Variants in GRIN3A observed in about 807,000 individuals in gnomAD.
GRIN3A encodes the protein glutamate receptor ionotropic, NMDA 3A.
In GRIN3A, 47 loss-of-function variants were observed where a neutral mutation model predicts 92.4. The ratio of observed to expected loss-of-function variants is 0.51; its 90% confidence interval spans 0.40 to 0.65. The LOEUF is 0.65. Ranked by LOEUF, GRIN3A falls within the 30% of genes least tolerant of loss-of-function variation. The pLI is 0.00. For synonymous variants in GRIN3A, 527 were observed against 540.6 expected (o/e 0.97, Z 0.35); for missense variants, 1,324 against 1,393.1 (o/e 0.95, Z 0.79).
intron 3 of GRIN3A, among the ~76,000 whole-genome samples, chr9:101,646,322 A>G (rs1366731839): frequency 1.3e-5 from 2 of 151,836 alleles, no homozygotes; most frequent in East Asian, 3.9e-4. Flanking sequence ...CAGTTATTGA[A>G]GAGACTGTCT....
intron 1 of GRIN3A, among the ~76,000 whole-genome samples, chr9:101,688,054 T>C (rs1274108756): frequency 1.3e-5 from 2 of 152,230 alleles, no homozygotes; most frequent in African/African-American, 2.4e-5. Context: ...TTTAGCACAA[T>C]GTCTTATATA....
chr9:101,696,565 A>G (rs995551939), intron 1 of GRIN3A, among the ~76,000 whole-genome samples: 1 of 152,204 alleles, frequency 6.6e-6, no homozygotes, highest in Non-Finnish European at 1.5e-5. Context: ...CTGAAGGAAC[A>G]TACACAGGCA....
chr9:101,701,765 A>G (rs903154261), intron 1 of GRIN3A, among the ~76,000 whole-genome samples: 11 of 152,180 alleles, frequency 7.2e-5, no homozygotes, highest in African/African-American at 2.7e-4. Flanking sequence ...AACAGACAAC[A>G]TACAGAATAG....
At chr9:101,623,750 T>C (rs1352373900) in intron 4 of GRIN3A, among the ~76,000 whole-genome samples, 1 of 152,258 alleles carries the variant, frequency 6.6e-6, no homozygotes, top group Non-Finnish European at 1.5e-5. Context: ...TGTTTATTCT[T>C]ATTACACTGT....
At chr9:101,656,632 C>T (rs531063094) in intron 3 of GRIN3A, among the ~76,000 whole-genome samples, 1 of 151,924 alleles carries the variant, frequency 6.6e-6, no homozygotes, top group South Asian at 2.1e-4. Flanking sequence ...TAGGGCAGAG[C>T]CTGAGATTGG....
chr9:101,666,354 G>T (rs1228677042), intron 3 of GRIN3A, among the ~76,000 whole-genome samples: 1 of 151,862 alleles, frequency 6.6e-6, no homozygotes, highest in Non-Finnish European at 1.5e-5. Flanking sequence ...GTATGCTATA[G>T]AGCTGGAGGC....
chr9:101,601,219 G>A (rs972319094), intron 6 of GRIN3A: 2 of 152,240 alleles, frequency 1.3e-5, no homozygotes, highest in Non-Finnish European at 2.9e-5. Flanking sequence ...CTTGAGCAAA[G>A]TAGCAGAAGA....
At chr9:101,723,237 T>A (rs1441866418) in intron 1 of GRIN3A, among the ~76,000 whole-genome samples, 1 of 152,126 alleles carries the variant, frequency 6.6e-6, no homozygotes, top group African/African-American at 2.4e-5. Context: ...TTGTTCCTTC[T>A]GATGTTCGGA....
Position 101,687,177 on chromosome 9 carries a change from A to C in GRIN3A, c.723T>G (p.Ser241Arg), listed in dbSNP as rs1239533609. The C allele has an allele frequency of 1.9e-6, 3 of 1,613,984 alleles. No homozygotes were observed. Among genetic ancestry groups the C allele is most frequent in the Non-Finnish European group, 2.5e-6 (3 of 1,179,866 alleles). The change falls in exon 2 of 9, where the codon AGT (serine) becomes AGG (arginine). Residue 241 changes from serine (S) to arginine (R), a missense_variant. Ser to Arg is a moderately radical substitution (Grantham distance 110). Coordinates refer to ENST00000361820, the MANE Select transcript of GRIN3A (RefSeq NM_133445.3). ...ESQNPLHLQL[S>R]LENSLSSDAD... ...CATCAGAACTTAATGAATTTTCTAA[A>C]CTCAGTTGTAGGTGAAGGGGATTCT...
intron 6 of GRIN3A, chr9:101,600,900 T>C (rs940546982): frequency 1.3e-5 from 2 of 152,224 alleles, no homozygotes; most frequent in East Asian, 1.9e-4. Flanking sequence ...ATGTAAAGCA[T>C]TGGGACATTC....
intron 3 of GRIN3A, among the ~76,000 whole-genome samples, chr9:101,633,639 C>T (rs1828741860): frequency 6.6e-6 from 1 of 152,126 alleles, no homozygotes; most frequent in African/African-American, 2.4e-5. Flanking sequence ...GGAGCATGAA[C>T]CCTATTGTGA....
At chr9:101,698,548 C>G (rs764625532) in intron 1 of GRIN3A, among the ~76,000 whole-genome samples, 24 of 152,144 alleles carry the variant, frequency 1.6e-4, no homozygotes, top group Non-Finnish European at 2.8e-4. Context: ...CATAGTATAA[C>G]CTATTACTCC....
At chr9:101,724,017 C>G (rs1193817592) in intron 1 of GRIN3A, among the ~76,000 whole-genome samples, 1 of 152,180 alleles carries the variant, frequency 6.6e-6, no homozygotes, top group Admixed American at 6.5e-5. Flanking sequence ...AGGTTCTCCA[C>G]GTCCCCACCA....
intron 1 of GRIN3A, among the ~76,000 whole-genome samples, chr9:101,705,728 C>G (rs1829809746): frequency 2.0e-5 from 3 of 152,190 alleles, no homozygotes; most frequent in Non-Finnish European, 2.9e-5. Context: ...TAACATTTCT[C>G]TCTCGTTTCA....
chr9:101,629,776 A>G (rs1402197022), intron 3 of GRIN3A, among the ~76,000 whole-genome samples: 2 of 152,210 alleles, frequency 1.3e-5, no homozygotes, highest in African/African-American at 4.8e-5. Flanking sequence ...TGAAGAGGGC[A>G]CTGTTGTTAC....
At chr9:101,602,357 C>A (rs139572451) in intron 6 of GRIN3A, among the ~76,000 whole-genome samples, 11 of 152,292 alleles carry the variant, frequency 7.2e-5, no homozygotes, top group African/African-American at 2.6e-4. Context: ...GCAATCTTCA[C>A]ACATTTCCAT....
chr9:101,613,125 T>C (rs959158326), intron 6 of GRIN3A, among the ~76,000 whole-genome samples: 1 of 152,180 alleles, frequency 6.6e-6, no homozygotes. Context: ...ATAGAGGTTA[T>C]GGGGAAAAGT....
intron 1 of GRIN3A, among the ~76,000 whole-genome samples, chr9:101,722,925 G>A (rs1830032032): frequency 6.6e-6 from 1 of 152,160 alleles, no homozygotes; most frequent in Non-Finnish European, 1.5e-5. Flanking sequence ...GGGGACTGTA[G>A]GGAAGGCATA....
intron 5 of GRIN3A, among the ~76,000 whole-genome samples, chr9:101,622,380 C>T (rs1399472573): frequency 6.6e-6 from 1 of 152,176 alleles, no homozygotes; most frequent in African/African-American, 2.4e-5. Context: ...GTCTCGAGAG[C>T]CAGCATGCAC....
Sources: allele counts gnomAD v4.1 joint callset (sites outside exome capture counted in the v4.1 genomes callset), GRCh38; gene constraint gnomAD v4.1.1; transcripts MANE v1.5; gene names NCBI Gene and HGNC (gene_info 2026-07-23, HGNC 2026-07-21).